Variants in PRICKLE1 observed in about 807,000 individuals in gnomAD.
PRICKLE1 encodes the protein prickle-like protein 1.
A neutral mutation model predicts 70.2 loss-of-function variants in PRICKLE1; 14 were observed. The ratio of observed to expected loss-of-function variants is 0.20; its 90% CI spans 0.13 to 0.31. PRICKLE1 has a LOEUF of 0.31. Among genes scored for constraint, PRICKLE1 ranks in the 10% least tolerant of loss-of-function variants. PRICKLE1 has a pLI of 1.00. For synonymous variants in PRICKLE1, 357 were observed against 379.9 expected (o/e 0.94, Z 0.70); for missense variants, 821 against 1,026.2 (o/e 0.80, Z 2.73).
chr12:42,547,710 A>G (rs1343083829), intron 1 of PRICKLE1, among the ~76,000 whole-genome samples: 1 of 152,236 alleles, frequency 6.6e-6, no homozygotes, highest in Admixed American at 6.5e-5. Context: ...ACCCACTTCC[A>G]AGGTTCTCGG....
chr12:42,495,437 A>G (rs1423750981), intron 1 of PRICKLE1, among the ~76,000 whole-genome samples: 1 of 149,992 alleles, frequency 6.7e-6, no homozygotes, highest in Non-Finnish European at 1.5e-5. Context: ...TCACCTCACT[A>G]TGTTGCCCAG....
chr12:42,507,992 G>T (rs1939447615), intron 1 of PRICKLE1, among the ~76,000 whole-genome samples: 1 of 152,158 alleles, frequency 6.6e-6, no homozygotes, highest in South Asian at 2.1e-4. Context: ...CCATCAATTT[G>T]CCCTTTTTGG....
chr12:42,520,909 G>A (rs544768669), intron 1 of PRICKLE1, among the ~76,000 whole-genome samples: 4 of 152,248 alleles, frequency 2.6e-5, no homozygotes, highest in Admixed American at 2.0e-4. Context: ...GGTGGCTCAC[G>A]CCTATAATCC....
intron 1 of PRICKLE1, among the ~76,000 whole-genome samples, chr12:42,512,851 T>A (rs1477382912): frequency 6.6e-6 from 1 of 152,134 alleles, no homozygotes; most frequent in Non-Finnish European, 1.5e-5. Flanking sequence ...AGAGTCAGCC[T>A]CTCTTTTGAA....
At chr12:42,498,571 C>A (rs968226244) in intron 1 of PRICKLE1, among the ~76,000 whole-genome samples, 1 of 152,058 alleles carries the variant, frequency 6.6e-6, no homozygotes, top group African/African-American at 2.4e-5. Flanking sequence ...TTGTTTGAGC[C>A]CAGGAGATCG....
chr12:42,488,566 C>T (rs996491206), intron 1 of PRICKLE1, among the ~76,000 whole-genome samples: 2 of 152,200 alleles, frequency 1.3e-5, no homozygotes, highest in Non-Finnish European at 2.9e-5. Context: ...CTCTCAACAC[C>T]TGTCCATCTG....
At chr12:42,535,881 G>A (rs769418384) in intron 1 of PRICKLE1, among the ~76,000 whole-genome samples, 8 of 152,276 alleles carry the variant, frequency 5.3e-5, no homozygotes, top group African/African-American at 7.2e-5. Context: ...TGTATATGAC[G>A]ATCTGTGCTA....
intron 5 of PRICKLE1, among the ~76,000 whole-genome samples, chr12:42,467,643 G>A (rs1938153617): frequency 6.6e-6 from 1 of 152,060 alleles, no homozygotes; most frequent in Non-Finnish European, 1.5e-5. Context: ...CTACTCGGGG[G>A]GCTGAGGTGC....
chr12:42,572,484 G>GT (rs1166232671), intron 1 of PRICKLE1, among the ~76,000 whole-genome samples: 17 of 151,644 alleles, frequency 1.1e-4, no homozygotes, highest in African/African-American at 3.9e-4. Flanking sequence ...AAAAATACTT[G>GT]TTTTTAAAAT....
chr12:42,485,283 A>G (rs1938965281), intron 1 of PRICKLE1: 2 of 136,252 alleles, frequency 1.5e-5, no homozygotes, highest in Admixed American at 7.7e-5. Flanking sequence ...ACTCTCTTAA[A>G]GTGGCAGAAA....
chr12:42,504,397 C>A (rs1426128197), intron 1 of PRICKLE1, among the ~76,000 whole-genome samples: 1 of 152,316 alleles, frequency 6.6e-6, no homozygotes, highest in East Asian at 1.9e-4. Flanking sequence ...CCAAAAAGCA[C>A]ATTTAGTGGG....
At chr12:42,545,720 T>C (rs926174059) in intron 1 of PRICKLE1, among the ~76,000 whole-genome samples, 1 of 152,002 alleles carries the variant, frequency 6.6e-6, no homozygotes. Flanking sequence ...CATGGTGGCA[T>C]GTGCCTGTAA....
chr12:42,541,042 T>C (rs1482327056), intron 1 of PRICKLE1, among the ~76,000 whole-genome samples: 2 of 152,166 alleles, frequency 1.3e-5, no homozygotes, highest in Admixed American at 6.5e-5. Context: ...AATTGCTCTA[T>C]AGCCCCCATT....
intron 1 of PRICKLE1, among the ~76,000 whole-genome samples, chr12:42,493,133 A>G (rs1056210919): frequency 3.3e-5 from 5 of 152,192 alleles, no homozygotes; most frequent in Non-Finnish European, 7.3e-5. Flanking sequence ...CTCAATAGTT[A>G]GGAAGAATGA....
chr12:42,570,576 T>C (rs1368858047), intron 1 of PRICKLE1, among the ~76,000 whole-genome samples: 1 of 152,184 alleles, frequency 6.6e-6, no homozygotes, highest in African/African-American at 2.4e-5. Flanking sequence ...TCCCAGCACT[T>C]TGGGAGGCCG....
In PRICKLE1 at chr12:42,458,686, T is replaced by A. The variant is rs1450367743; in HGVS notation, c.*1123A>T. On this transcript the variant is annotated 3_prime_UTR_variant, in exon 8 of 8. Coordinates refer to ENST00000345127, the MANE Select transcript of PRICKLE1 (RefSeq NM_153026.3). ...TTAAAATAACAAATCTACAAAGTCC[T>A]CTGCCACAAAAGCAGATCTTTGTCA... 6.6e-6 allele frequency: 1 copy of A among 152,212 alleles called. No individual in the cohort carries two copies. The highest frequency in any genetic ancestry group is 1.9e-4 in the East Asian group (1 of 5,208). The allele number at this position is 152,212 out of a possible 1,614,324, so 9.4% of individuals were successfully genotyped here.
chr12:42,496,310 A>G (rs1939200797), intron 1 of PRICKLE1, among the ~76,000 whole-genome samples: 2 of 152,220 alleles, frequency 1.3e-5, no homozygotes, highest in African/African-American at 4.8e-5. Flanking sequence ...TAAAATAGTA[A>G]ACCATGCTAT....
intron 1 of PRICKLE1, among the ~76,000 whole-genome samples, chr12:42,532,881 T>C (rs1160082106): frequency 1.5e-5 from 2 of 130,262 alleles, no homozygotes; most frequent in African/African-American, 2.9e-5. Flanking sequence ...TGGGCGAGAG[T>C]GAGACTCCGT....
chr12:42,471,639 C>A (rs1002045841), intron 2 of PRICKLE1, among the ~76,000 whole-genome samples: 1 of 152,162 alleles, frequency 6.6e-6, no homozygotes, highest in Non-Finnish European at 1.5e-5. Context: ...TCCCACCCTA[C>A]AGGAAACAGA....
Sources: allele counts gnomAD v4.1 joint callset (sites outside exome capture counted in the v4.1 genomes callset), GRCh38; gene constraint gnomAD v4.1.1; transcripts MANE v1.5; gene names NCBI Gene and HGNC (gene_info 2026-07-23, HGNC 2026-07-21).